The following P2RX2 variants were observed in gnomAD, a reference collection of about 807,000 sequenced individuals.
P2RX2 encodes the protein P2X purinoceptor 2.
In P2RX2, 50 loss-of-function variants were observed where a neutral mutation model predicts 54.8. The ratio of observed to expected loss-of-function variants is 0.91; its 90% CI spans 0.73 to 1.15. The LOEUF is 1.15. Among genes scored for constraint, P2RX2 ranks in the 50% most tolerant of loss-of-function variants. The pLI is 0.00. For missense variants in P2RX2, 658 were observed against 633.2 expected (o/e 1.04, Z -0.42); for synonymous variants, 289 against 259.4 (o/e 1.11, Z -1.09).
At position 132,619,591 on chromosome 12, in the gene P2RX2, G is replaced by C. The variant is rs945504998; in HGVS notation, c.309+17G>C. The C allele has an allele frequency of 1.2e-6, 2 of 1,600,380 alleles. No homozygotes were observed. Among genetic ancestry groups the C allele is most frequent in the African/African-American group, 2.7e-5 (2 of 74,630 alleles). On this transcript the variant is annotated intron_variant, in intron 2 of 10. Coordinates refer to ENST00000643471, the MANE Select transcript of P2RX2 (RefSeq NM_170682.4). Reference sequence around the variant, plus strand: ...CCCCCCGAGGTGCGGGCCGCCCCCTGCCCCCCGCCCCGCCGTGCACCCTAC... The same window carrying C: ...CCCCCCGAGGTGCGGGCCGCCCCCTCCCCCCCGCCCCGCCGTGCACCCTAC...
Position 132,620,191 on chromosome 12 carries a change from G to C in P2RX2, c.555-76G>C. The C allele has an allele frequency of 2.0e-6, 3 of 1,509,794 alleles. 1 individual carries two copies. Among genetic ancestry groups the C allele is most frequent in the Non-Finnish European group, 2.7e-6 (3 of 1,092,802 alleles). The allele number at this position is 1,509,794 out of a possible 1,614,324, so 93.5% of individuals were successfully genotyped here. A position where few individuals can be genotyped will look rare whatever the true frequency, so the allele number is the denominator to read the frequency against. Reference sequence around the variant, plus strand: ...GGCGGGGCAGGAGTGACAAGATCTGGGGAGGGGTGGGGGCCAATGCCAGGC... The same window carrying C: ...GGCGGGGCAGGAGTGACAAGATCTGCGGAGGGGTGGGGGCCAATGCCAGGC... On this transcript the variant is annotated intron_variant, in intron 5 of 10. Transcript: ENST00000643471.
intron 4 of P2RX2, 29 bp downstream of exon 4, chr12:132,619,948 G>A (rs781748616): frequency 1.3e-6 from 2 of 1,578,818 alleles, no homozygotes; most frequent in African/African-American, 1.3e-5. Context: ...GGGCTGGGCG[G>A]GTGGGGCAGG....
At position 132,621,834 on chromosome 12, in the gene P2RX2, G is replaced by A. The variant is rs755835957; in HGVS notation, c.1278G>A (p.Gly426=). ...CATCAGGCCAGGAGGGCCAACAAGGGGCAGAGTGTGGCCCAGCCTTCCCGC... is the reference window on the plus strand; with the variant it reads ...CATCAGGCCAGGAGGGCCAACAAGGAGCAGAGTGTGGCCCAGCCTTCCCGC... ...SPPSGQEGQQ[G]AECGPAFPPL... is the part of the protein sequence containing the mutation. Residue 426 remains glycine, a synonymous_variant, in exon 11 of 11, where the codon GGG becomes GGA. Coordinates refer to ENST00000643471, the MANE Select transcript of P2RX2 (RefSeq NM_170682.4). 119 of 1,611,696 alleles carry A rather than the reference G, an allele frequency of 7.4e-5. No homozygotes were observed. Among genetic ancestry groups the A allele is most frequent in the Middle Eastern group, 1.6e-4 (1 of 6,078 alleles).
At chr12:132,621,591 C>T in intron 10 of P2RX2, 28 bp from the exon 11 acceptor site, 2 of 1,611,260 alleles carry the variant, frequency 1.2e-6, no homozygotes, top group African/African-American at 2.7e-5. Flanking sequence ...CCACCAGGCC[C>T]TTACACACCG....
rs749013083 is a variant in P2RX2, at chr12:132,620,409, T to C, written c.636-36T>C. Reference sequence around the variant, plus strand: ...GGGCTGCCTTCTGGGAATGGGGTATTTGGGGTGCAGGTCTCGCCTCCTGCC... The same window carrying C: ...GGGCTGCCTTCTGGGAATGGGGTATCTGGGGTGCAGGTCTCGCCTCCTGCC... On this transcript the variant is annotated intron_variant, in intron 6 of 10. Coordinates refer to ENST00000643471, the MANE Select transcript of P2RX2 (RefSeq NM_170682.4). 2.1e-5 allele frequency: 34 copies of C among 1,613,960 alleles called. No individual in the cohort carries two copies. In the East Asian group the frequency reaches 7.6e-4, roughly 36 times the overall value.
chr12:132,619,145 C>T (rs2041515602), intron 1 of P2RX2, among the ~76,000 whole-genome samples, 156 bp downstream of exon 1: 1 of 62,740 alleles, frequency 1.6e-5, no homozygotes, highest in African/African-American at 6.4e-5. Context: ...GGGGCAGGGG[C>T]TGGGATTGGG....
In P2RX2 at chr12:132,621,689, T is replaced by A; in HGVS notation, c.1133T>A (p.Phe378Tyr). Residue 378 changes from phenylalanine (F) to tyrosine (Y), a missense_variant, in exon 11 of 11, where the codon TTT becomes TAT. Physicochemically the swap from Phe to Tyr is conservative, Grantham distance 22. Coordinates refer to ENST00000643471, the MANE Select transcript of P2RX2 (RefSeq NM_170682.4). ...NKNKVYSHKKFDKVCTPSHPS... is the reference protein window; with the variant it reads ...NKNKVYSHKKYDKVCTPSHPS... ...AACAAGGTCTACAGCCATAAGAAAT[T>A]TGACAAGGTGTGTACGCCGAGCCAC... 6.2e-7 allele frequency: 1 copy of A among 1,613,728 alleles called. No individual in the cohort carries two copies. The highest frequency in any genetic ancestry group is 8.5e-7 in the Non-Finnish European group (1 of 1,179,882).
chr12:132,621,366 T>C (rs1030854398), intron 9 of P2RX2, 21 bp downstream of exon 9: 1 of 1,613,282 alleles, frequency 6.2e-7, no homozygotes, highest in African/African-American at 1.3e-5. Flanking sequence ...CTGCTGGGGG[T>C]GGGTGGCCAG....
At chr12:132,620,878 CGG>C in intron 7 of P2RX2, 121 bp from the exon 8 acceptor site, 11 of 885,992 alleles carry the variant, frequency 1.2e-5, no homozygotes, top group South Asian at 1.0e-4. Context: ...GGGACTGACC[CGG>C]GCTCTCGAGG....
chr12:132,621,757 C>G lies in P2RX2; in HGVS notation c.1201C>G (p.Gln401Glu). 6.2e-7 allele frequency: 1 copy of G among 1,604,358 alleles called. No homozygotes were observed. Among genetic ancestry groups the G allele is most frequent in the South Asian group, 1.1e-5 (1 of 89,594 alleles). Residue 401 changes from glutamine (Q) to glutamate (E), a missense_variant, in exon 11 of 11, where the codon CAG becomes GAG. Transcript: ENST00000643471. ...TGTGACCCTTGCCCGTGTATTGGGC[C>G]AGGCCCCTCCCGAACCCGGCCACCG... is the stretch of plus-strand genomic sequence containing the variant. ...WPVTLARVLG[Q>E]APPEPGHRSE...
At position 132,620,578 on chromosome 12, in the gene P2RX2, C is replaced by A; in HGVS notation, c.769C>A (p.His257Asn). 6.2e-7 allele frequency: 1 copy of A among 1,612,248 alleles called. No individual in the cohort carries two copies. The highest frequency in any genetic ancestry group is 8.5e-7 in the Non-Finnish European group (1 of 1,179,462). Residue 257 changes from histidine (H) to asparagine (N), a missense_variant, in exon 7 of 11, where the codon CAC (histidine) becomes AAC (asparagine). Physicochemically the swap from His to Asn is moderately conservative, Grantham distance 68 (BLOSUM62 1). Coordinates refer to ENST00000643471, the MANE Select transcript of P2RX2 (RefSeq NM_170682.4). ...TGGGGAGAGCTTCACAGAGCTCGCA[C>A]ACAAGGCAGGGCAAGCGCAGGCAGG... Reference protein sequence around the residue: ...KAGESFTELAHKGGVIGVIIN... With the variant: ...KAGESFTELANKGGVIGVIIN...
Position 132,620,990 on chromosome 12 carries a change from C to A in P2RX2, c.775-11C>A. ...CCCTCCTGACCCCCTTCTCTGGCTC[C>A]TTCTTGGCAGGGTGGTGTCATCGGG... On this transcript the variant is annotated splice_polypyrimidine_tract_variant and intron_variant, in intron 7 of 10. Transcript: ENST00000643471. 6.2e-7 allele frequency: 1 copy of A among 1,602,894 alleles called. No homozygotes were observed. Among genetic ancestry groups the A allele is most frequent in the Non-Finnish European group, 8.5e-7 (1 of 1,179,628 alleles).
intron 5 of P2RX2, 28 bp downstream of exon 5, chr12:132,620,124 A>T: frequency 1.3e-6 from 2 of 1,543,228 alleles, no homozygotes; most frequent in South Asian, 2.4e-5. Context: ...CCTGGGGCCC[A>T]GCCTCCCCTC....
chr12:132,621,103 G>C lies in P2RX2; in HGVS notation c.877G>C (p.Val293Leu). ...YSFRRLDPKH[V>L]PASSGYNFRF... is the part of the protein sequence containing the mutation. The stretch of plus-strand genomic sequence containing the variant: ...CTTCCGGAGGCTTGACCCCAAGCAC[G>C]TGCCTGCCTCGTCAGGCTACAACTT... The change falls in exon 8 of 11, where the codon GTG becomes CTG. Residue 293 changes from valine (V) to leucine (L), a missense_variant. Physicochemically the swap from Val to Leu is conservative, Grantham distance 32. Transcript: ENST00000643471. 1.2e-6 allele frequency: 2 copies of C among 1,614,124 alleles called. No homozygotes were observed. The highest frequency in any genetic ancestry group is 3.3e-5 in the Admixed American group (2 of 60,022).
Position 132,619,539 on chromosome 12 carries a change from G to A in P2RX2, c.274G>A (p.Val92Met), listed in dbSNP as rs1405704906. 2 of 1,612,148 alleles carry A rather than the reference G, an allele frequency of 1.2e-6. No homozygotes were observed. Among genetic ancestry groups the A allele is most frequent in the Non-Finnish European group, 1.7e-6 (2 of 1,179,346 alleles). ...GGGGATCACCACGTCCGAGCACAAA[G>A]TGTGGGACGTGGAGGAGTACGTGAA... ...VKGITTSEHK[V>M]WDVEEYVKPP... is the part of the protein sequence containing the mutation. Residue 92 changes from valine to methionine, a missense_variant, in exon 2 of 11, where the codon GTG (valine) becomes ATG (methionine). Physicochemically the swap from Val to Met is conservative, Grantham distance 21. Coordinates refer to ENST00000643471, the MANE Select transcript of P2RX2 (RefSeq NM_170682.4).
chr12:132,620,347 A>C lies in P2RX2; in HGVS notation c.635A>C (p.Lys212Thr). 6.2e-7 allele frequency: 1 copy of C among 1,613,938 alleles called. No homozygotes were observed. ...CACTACCCCAAATTCCACTTCTCCA[A>C]GTAAGAGCCGCGGGGTGTGGTGACG... ...SIHYPKFHFSKGNIADRTDGY... is the reference protein window; with the variant it reads ...SIHYPKFHFSTGNIADRTDGY... Residue 212 changes from lysine (K) to threonine (T), a missense_variant and splice_region_variant, in exon 6 of 11, where the codon AAG (lysine) becomes ACG (threonine). By Grantham distance (78) the Lys-to-Thr change is moderately conservative (BLOSUM62 -1). Coordinates refer to ENST00000643471, the MANE Select transcript of P2RX2 (RefSeq NM_170682.4).
chr12:132,621,992 G>T lies in P2RX2; in HGVS notation c.*20G>T. ...CTCTGAGCTCCTTTCCATCTCACTG[G>T]ACTGCAGACCCGGCCTGGTGGGGCC... On this transcript the variant is annotated 3_prime_UTR_variant, in exon 11 of 11. Transcript: ENST00000643471. 6.2e-7 allele frequency: 1 copy of T among 1,613,312 alleles called. No homozygotes were observed. Among genetic ancestry groups the T allele is most frequent in the African/African-American group, 1.3e-5 (1 of 75,060 alleles).
Position 132,621,705 on chromosome 12 carries a change from GC to G in P2RX2, c.1151del (p.Pro384ArgfsTer10). ...ATAAGAAATTTGACAAGGTGTGTAC[GC>G]CGAGCCACCCCTCAGGTAGCTGGCC... is the stretch of plus-strand genomic sequence containing the variant. Reference protein sequence around the residue: ...SHKKFDKVCTPSHPSGSWPVT... With the variant: ...SHKKFDKVCTXSHPSGSWPVT... On this transcript the variant is annotated frameshift_variant, in exon 11 of 11. Coordinates refer to ENST00000643471, the MANE Select transcript of P2RX2 (RefSeq NM_170682.4). LOFTEE classifies it high-confidence loss of function. 1 of 1,613,402 alleles carries G rather than the reference GC, an allele frequency of 6.2e-7. No individual in the cohort carries two copies. Among genetic ancestry groups the G allele is most frequent in the Non-Finnish European group, 8.5e-7 (1 of 1,179,676 alleles).
Position 132,620,632 on chromosome 12 carries a change from CAG to C in P2RX2, c.774+54_774+55del, listed in dbSNP as rs752449634. On this transcript the variant is annotated intron_variant, in intron 7 of 10. Coordinates refer to ENST00000643471, the MANE Select transcript of P2RX2 (RefSeq NM_170682.4). ...GGGCCAGGGTGGGCTCCCACCTGCA[CAG>C]AGAGGGCCTGGGGTACAGGGGACCA... 6 of 1,589,688 alleles carry C rather than the reference CAG, an allele frequency of 3.8e-6. No individual in the cohort carries two copies. The South Asian group carries it at 4.4e-5, about 12-fold the overall frequency.
Sources: allele counts gnomAD v4.1 joint callset (sites outside exome capture counted in the v4.1 genomes callset), GRCh38; gene constraint gnomAD v4.1.1; transcripts MANE v1.5; gene names NCBI Gene and HGNC (gene_info 2026-07-23, HGNC 2026-07-21).